DTD1: variants seen among roughly 807,000 people sequenced by gnomAD.
DTD1 encodes D-tyrosyl-tRNA deacylase 1 homolog.
DTD1 carries 13 observed loss-of-function variants against 25.6 expected under a neutral mutation model. That is an observed-to-expected ratio of 0.51 (90% CI 0.33 to 0.81). The LOEUF (loss-of-function observed/expected upper bound fraction) is 0.81. Ranked by LOEUF, DTD1 falls within the 30% of genes least tolerant of loss-of-function variation. The pLI is 0.02. For synonymous variants in DTD1, 110 were observed against 103.6 expected (o/e 1.06, Z -0.37); for missense variants, 193 against 266.4 (o/e 0.72, Z 1.92).
intron 3 of DTD1, among the ~76,000 whole-genome samples, chr20:18,618,901 T>C (rs1325562989): frequency 2.0e-5 from 3 of 152,052 alleles, no homozygotes; most frequent in African/African-American, 7.2e-5. Flanking sequence ...TTAGTAGAGA[T>C]GGGGTTTCAC....
At position 18,588,964 on chromosome 20, in the gene DTD1, C is replaced by G. The variant is rs1454805169; in HGVS notation, c.43+849C>G. 158 of 779,102 alleles carry G rather than the reference C, an allele frequency of 2.0e-4. 1 individual carries two copies. The highest frequency in any genetic ancestry group is 1.3e-4 in the East Asian group (1 of 7,820). 48.3% of individuals were successfully genotyped at this position (779,102 alleles called of 1,614,324 possible). A position where few individuals can be genotyped will look rare whatever the true frequency, so the allele number is the denominator to read the frequency against. The stretch of plus-strand genomic sequence containing the variant: ...GTCTTTTCTGTCTTTATTGGCACAA[C>G]TATATTGTTTCAGTTCAAATAATTT... On this transcript the variant is annotated intron_variant, in intron 1 of 5. Coordinates refer to ENST00000377452, the MANE Select transcript of DTD1 (RefSeq NM_080820.6).
chr20:18,735,566 G>A (rs988066985), intron 4 of DTD1, among the ~76,000 whole-genome samples: 11 of 152,156 alleles, frequency 7.2e-5, no homozygotes, highest in African/African-American at 2.7e-4. Context: ...ATGCCAAAGG[G>A]GACAAATTGA....
At chr20:18,708,277 A>AT (rs376267580) in intron 4 of DTD1, among the ~76,000 whole-genome samples, 2,041 of 15,380 alleles carry the variant, frequency 0.13, 81 homozygotes, top group Middle Eastern at 0.2. Context: ...ATATATATAT[A>AT]ATATATATTA....
At chr20:18,682,037 T>G (rs1433063513) in intron 4 of DTD1, among the ~76,000 whole-genome samples, 1 of 152,212 alleles carries the variant, frequency 6.6e-6, no homozygotes, top group Non-Finnish European at 1.5e-5. Context: ...CTATGGTACC[T>G]GCCCACAGGC....
intron 4 of DTD1, among the ~76,000 whole-genome samples, chr20:18,689,761 C>T (rs1394672369): frequency 6.6e-6 from 1 of 152,056 alleles, no homozygotes; most frequent in Non-Finnish European, 1.5e-5. Flanking sequence ...ACATTGGACA[C>T]TAGCCACTTG....
chr20:18,637,014 T>C (rs2060810052), intron 4 of DTD1, among the ~76,000 whole-genome samples: 1 of 152,188 alleles, frequency 6.6e-6, no homozygotes, highest in Non-Finnish European at 1.5e-5. Flanking sequence ...TTTATGTTTC[T>C]AACCAGGTCT....
chr20:18,598,008 A>G (rs2060618734), intron 3 of DTD1, among the ~76,000 whole-genome samples: 1 of 152,104 alleles, frequency 6.6e-6, no homozygotes, highest in Non-Finnish European at 1.5e-5. Flanking sequence ...TAAAAAAATT[A>G]TTAGTATACT....
chr20:18,710,658 G>T (rs182164330), intron 4 of DTD1, among the ~76,000 whole-genome samples: 1 of 152,300 alleles, frequency 6.6e-6, no homozygotes, highest in East Asian at 1.9e-4. Context: ...GTATAATTAA[G>T]ACTTGCCTAT....
chr20:18,711,861 T>C (rs1387674430), intron 4 of DTD1, among the ~76,000 whole-genome samples: 2 of 147,694 alleles, frequency 1.4e-5, no homozygotes, highest in Non-Finnish European at 1.5e-5. Context: ...CTGGCCAACA[T>C]AGTGAAACCC....
chr20:18,734,184 A>G (rs902914290), intron 4 of DTD1, among the ~76,000 whole-genome samples: 1 of 152,206 alleles, frequency 6.6e-6, no homozygotes, highest in African/African-American at 2.4e-5. Flanking sequence ...ATTTTTACCA[A>G]TAAATGACAT....
intron 4 of DTD1, among the ~76,000 whole-genome samples, chr20:18,655,378 C>T (rs2180601): frequency 0.51 from 77,253 of 152,058 alleles, 19,982 homozygotes; most frequent in Middle Eastern, 0.57. Flanking sequence ...TTAGTTTTCT[C>T]GCTTCTTTTA....
At chr20:18,683,793 G>A (rs948498840) in intron 4 of DTD1, among the ~76,000 whole-genome samples, 1 of 152,178 alleles carries the variant, frequency 6.6e-6, no homozygotes, top group Non-Finnish European at 1.5e-5. Context: ...TCCAGAATTC[G>A]AGCAAGCTGA....
At chr20:18,612,128 G>T (rs866478830) in intron 3 of DTD1, among the ~76,000 whole-genome samples, 1 of 142,004 alleles carries the variant, frequency 7.0e-6, no homozygotes, top group Non-Finnish European at 1.5e-5. Context: ...TCCGCCTCCC[G>T]GGTTCACGCC....
At chr20:18,738,998 T>G (rs181181276) in intron 4 of DTD1, among the ~76,000 whole-genome samples, 27 of 152,154 alleles carry the variant, frequency 1.8e-4, no homozygotes, top group Admixed American at 1.8e-3. Flanking sequence ...CTGCAGTGTG[T>G]CCTCAGGCCT....
At chr20:18,758,736 C>A (rs189803880) in intron 5 of DTD1, among the ~76,000 whole-genome samples, 1 of 152,118 alleles carries the variant, frequency 6.6e-6, no homozygotes, top group African/African-American at 2.4e-5. Context: ...CTGAAAAGAA[C>A]GTATATCCTG....
chr20:18,633,370 C>T (rs949433871), intron 4 of DTD1, among the ~76,000 whole-genome samples: 3 of 152,190 alleles, frequency 2.0e-5, no homozygotes, highest in Non-Finnish European at 4.4e-5. Flanking sequence ...ATCTCTGACC[C>T]CCACAGTTCC....
intron 4 of DTD1, among the ~76,000 whole-genome samples, chr20:18,693,911 A>G (rs1169620162): frequency 2.6e-5 from 4 of 152,182 alleles, no homozygotes; most frequent in Admixed American, 2.6e-4. Flanking sequence ...ACGTGTAGCC[A>G]TGAAAATTAA....
intron 3 of DTD1, among the ~76,000 whole-genome samples, chr20:18,617,537 G>A (rs893464388): frequency 6.6e-6 from 1 of 151,852 alleles, no homozygotes; most frequent in Non-Finnish European, 1.5e-5. Context: ...AAATTGGGAG[G>A]TGTGAGTCCT....
At chr20:18,629,296 C>CTGTT (rs2060773352) in intron 4 of DTD1, among the ~76,000 whole-genome samples, 1 of 69,222 alleles carries the variant, frequency 1.4e-5, no homozygotes, top group Non-Finnish European at 2.6e-5. Context: ...TGTGCTCGGC[C>CTGTT]TTTTTTTTTT....
Sources: allele counts gnomAD v4.1 joint callset (sites outside exome capture counted in the v4.1 genomes callset), GRCh38; gene constraint gnomAD v4.1.1; transcripts MANE v1.5; gene names NCBI Gene and HGNC (gene_info 2026-07-23, HGNC 2026-07-21).